ABLIM1: variants seen among roughly 807,000 people sequenced by gnomAD.
ABLIM1 encodes actin binding LIM protein 1.
In ABLIM1, 40 loss-of-function variants were observed where a neutral mutation model predicts 107.0. The ratio of observed to expected loss-of-function variants is 0.37; its 90% CI spans 0.29 to 0.49. The LOEUF is 0.49. Ranked by LOEUF, ABLIM1 falls within the 20% of genes least tolerant of loss-of-function variation. ABLIM1 has a pLI of 0.97. For missense variants in ABLIM1, 857 were observed against 1,008.5 expected, an observed-to-expected ratio of 0.85 and a Z score of 2.04; for synonymous variants, 357 against 357.3, an observed-to-expected ratio of 1.00 and a Z score of 0.01.
At chr10:114,518,501 G>A (rs572773647) in intron 6 of ABLIM1, among the ~76,000 whole-genome samples, 65 of 151,816 alleles carry the variant, frequency 4.3e-4, no homozygotes, top group African/African-American at 1.4e-3. Context: ...ATGAACAGAC[G>A]TGGTCCTGTG....
At position 114,500,771 on chromosome 10, in the gene ABLIM1, G is replaced by GGGAAGGGAAGGGAAA. The variant is rs1250030693; in HGVS notation, c.895-8894_895-8893insTTTCCCTTCCCTTCC. Among the ~76,000 whole-genome samples, 714 of 145,366 alleles carry GGGAAGGGAAGGGAAA rather than the reference G, an allele frequency of 4.9e-3. 16 individuals carry two copies. The highest frequency in any genetic ancestry group is 0.013 in the African/African-American group (471 of 37,414). Reference sequence around the variant, plus strand: ...GGGAAGGGAAGGGAAGGGAAGGGAAGGGAAGGGAAGGGAAGGGAAGGGAGC... The same window carrying GGGAAGGGAAGGGAAA: ...GGGAAGGGAAGGGAAGGGAAGGGAAGGGAAGGGAAGGGAAAGGAAGGGAAGGGAAGGGAAGGGAGC... On this transcript the variant is annotated intron_variant, in intron 6 of 22. Coordinates refer to ENST00000533213, the MANE Select transcript of ABLIM1 (RefSeq NM_002313.7).
chr10:114,678,437 C>A (rs1412736977), intron 1 of ABLIM1, among the ~76,000 whole-genome samples: 1 of 152,232 alleles, frequency 6.6e-6, no homozygotes, highest in Non-Finnish European at 1.5e-5. Flanking sequence ...TTCAAGAAGT[C>A]TTCCACAGCT....
chr10:114,477,865 C>T (rs1021714859), intron 8 of ABLIM1, among the ~76,000 whole-genome samples: 5 of 152,146 alleles, frequency 3.3e-5, no homozygotes, highest in African/African-American at 7.2e-5. Context: ...GCTGGGACTA[C>T]GGGGACTTGC....
chr10:114,651,064 C>A (rs1392257372), intron 1 of ABLIM1, among the ~76,000 whole-genome samples: 1 of 152,180 alleles, frequency 6.6e-6, no homozygotes, highest in Admixed American at 6.5e-5. Context: ...CGAGGTCTGA[C>A]CCCATAACCC....
intron 16 of ABLIM1, among the ~76,000 whole-genome samples, chr10:114,444,429 G>C (rs1182380468): frequency 6.6e-6 from 1 of 152,220 alleles, no homozygotes; most frequent in East Asian, 1.9e-4. Context: ...CAGAAGGCAT[G>C]TGTGAGTGTG....
intron 14 of ABLIM1, among the ~76,000 whole-genome samples, chr10:114,448,485 T>TA (rs367727462): frequency 3.3e-5 from 5 of 152,224 alleles, no homozygotes; most frequent in African/African-American, 9.6e-5. Flanking sequence ...AATCTAAAAT[T>TA]AAAGAGCTAA....
At position 114,728,375 on chromosome 10, in the gene ABLIM1, G is replaced by A. The variant is rs527397083; in HGVS notation, c.-213+39686C>T. On this transcript the variant is annotated intron_variant, in intron 1 of 15. Transcript: ENST00000651092. ...CAATAGTTCCTCTCTGTTTATGCAC[G>A]CTGCATCAGGAAGACACATGTAAGC... is the stretch of plus-strand genomic sequence containing the variant. Among the ~76,000 whole-genome samples, 57 of 152,158 alleles carry A rather than the reference G, an allele frequency of 3.7e-4. 2 individuals carry two copies. The South Asian group carries it at 9.1e-3, about 24-fold the overall frequency.
intron 1 of ABLIM1, among the ~76,000 whole-genome samples, chr10:114,652,757 A>C (rs1180277098): frequency 6.6e-6 from 1 of 152,194 alleles, no homozygotes; most frequent in African/African-American, 2.4e-5. Context: ...ATCGCCCTAA[A>C]TATGTTCTTT....
the ABLIM1 span, among the ~76,000 whole-genome samples, chr10:114,800,543 T>C: frequency 1.3e-5 from 2 of 152,212 alleles, no homozygotes; most frequent in Non-Finnish European, 2.9e-5. Context: ...ACCACTCTTA[T>C]TATTTGCATC....
intron 2 of ABLIM1, among the ~76,000 whole-genome samples, chr10:114,579,379 T>C (rs1565995165): frequency 6.6e-6 from 1 of 152,324 alleles, no homozygotes; most frequent in Middle Eastern, 3.4e-3. Context: ...GTCTGTGATA[T>C]ATTGTTCAGT....
intron 1 of ABLIM1, among the ~76,000 whole-genome samples, chr10:114,729,168 A>G (rs1047639184): frequency 6.6e-6 from 1 of 152,106 alleles, no homozygotes; most frequent in Non-Finnish European, 1.5e-5. Flanking sequence ...TACTTGACCA[A>G]GGTCTCACAG....
chr10:114,643,823 G>A (rs1273211837), intron 1 of ABLIM1, among the ~76,000 whole-genome samples: 1 of 151,956 alleles, frequency 6.6e-6, no homozygotes, highest in Non-Finnish European at 1.5e-5. Context: ...CAATCCTCCT[G>A]CTTCAGCCTC....
rs960917683 is a variant in ABLIM1 at position 114,432,784 on chromosome 10, C to A, written c.*3476G>T. The A allele has an allele frequency of 2.0e-5, 3 of 152,080 alleles. No individual in the cohort carries two copies. The highest frequency in any genetic ancestry group is 6.5e-5 in the Admixed American group (1 of 15,276). 9.4% of individuals were successfully genotyped at this position (152,080 alleles called of 1,614,324 possible). ...GCTAGAGCCCATGACAGATAGAAAACTACCCCCATTTAAAAAAAAACAACA... is the reference window on the plus strand; with the variant it reads ...GCTAGAGCCCATGACAGATAGAAAAATACCCCCATTTAAAAAAAAACAACA... On this transcript the variant is annotated 3_prime_UTR_variant, in exon 23 of 23. Transcript: ENST00000533213.
At chr10:114,520,358 A>G (rs145184410) in intron 6 of ABLIM1, among the ~76,000 whole-genome samples, 135 of 152,250 alleles carry the variant, frequency 8.9e-4, no homozygotes, top group African/African-American at 3.2e-3. Flanking sequence ...GGTTATATTA[A>G]AAATGTAGAA....
intron 1 of ABLIM1, among the ~76,000 whole-genome samples, chr10:114,694,129 A>G (rs901078773): frequency 6.6e-6 from 1 of 152,254 alleles, no homozygotes; most frequent in Non-Finnish European, 1.5e-5. Context: ...AATTGAATTT[A>G]TACTCAAATT....
intron 2 of ABLIM1, among the ~76,000 whole-genome samples, chr10:114,589,982 G>A (rs897190542): frequency 7.9e-5 from 12 of 152,042 alleles, no homozygotes; most frequent in African/African-American, 2.7e-4. Context: ...AGCTCCATTC[G>A]TGGTAAGTGA....
chr10:114,515,439 G>A (rs1207897778), intron 6 of ABLIM1, among the ~76,000 whole-genome samples: 1 of 152,206 alleles, frequency 6.6e-6, no homozygotes, highest in Non-Finnish European at 1.5e-5. Flanking sequence ...TCCCTGAGCT[G>A]CAGCCTTATG....
chr10:114,681,564 C>T (rs1197374172), intron 1 of ABLIM1, among the ~76,000 whole-genome samples: 1 of 152,094 alleles, frequency 6.6e-6, no homozygotes, highest in Non-Finnish European at 1.5e-5. Flanking sequence ...AACATGCTGG[C>T]ATTTTCCCAA....
intron 10 of ABLIM1, among the ~76,000 whole-genome samples, chr10:114,472,621 T>C (rs1483127521): frequency 2.0e-5 from 3 of 152,160 alleles, no homozygotes; most frequent in Admixed American, 1.3e-4. Flanking sequence ...CTCCTCATGA[T>C]GCCATGAATA....
Sources: gnomAD v4.1 joint callset for allele counts (sites outside exome capture counted in the v4.1 genomes callset) on GRCh38, gnomAD v4.1.1 for gene constraint, MANE v1.5 for transcripts, NCBI Gene and HGNC (gene_info 2026-07-23, HGNC 2026-07-21) for gene names.